SENP7: variants seen among roughly 807,000 people sequenced by gnomAD.
The protein encoded by SENP7 is sentrin-specific protease 7.
SENP7 carries 64 observed loss-of-function variants against 141.2 expected under a neutral mutation model. The ratio of observed to expected loss-of-function variants is 0.45; its 90% CI spans 0.37 to 0.56. SENP7 has a LOEUF of 0.56. Ranked by LOEUF, SENP7 falls within the 20% of genes least tolerant of loss-of-function variation. The pLI is 0.00. For missense variants in SENP7, 1,025 were observed against 1,212.2 expected (o/e 0.85, Z 2.29); for synonymous variants, 382 against 426.4 (o/e 0.90, Z 1.28).
In SENP7 at chr3:101,420,286, T is replaced by C. The variant is rs1050545086; in HGVS notation, c.285-2496A>G. 5.9e-5 allele frequency among the ~76,000 whole-genome samples: 9 copies of C among 152,066 alleles called. No homozygotes were observed. In the East Asian group the frequency reaches 1.7e-3, roughly 29 times the overall value. On this transcript the variant is annotated intron_variant, in intron 4 of 23. Coordinates refer to ENST00000394095, the MANE Select transcript of SENP7 (RefSeq NM_020654.5). ...AGGAGGCTGAGGCAAGAGAATGGCG[T>C]GAACCCAGGAGGCGGAGCTTGCAGT...
At chr3:101,361,495 A>G (rs895982541) in intron 11 of SENP7, among the ~76,000 whole-genome samples, 3 of 152,136 alleles carry the variant, frequency 2.0e-5, no homozygotes, top group South Asian at 2.1e-4. Flanking sequence ...TTTTTTTCAC[A>G]CATGATTTTC....
intron 16 of SENP7, among the ~76,000 whole-genome samples, chr3:101,339,667 G>A (rs760989429): frequency 3.3e-5 from 5 of 151,836 alleles, no homozygotes; most frequent in South Asian, 2.1e-4. Flanking sequence ...GCAGTGAGCC[G>A]AGATTGTGCC....
Position 101,347,882 on chromosome 3 carries a change from T to C in SENP7, c.1827A>G (p.Leu609=), listed in dbSNP as rs1045262094. 1 of 1,547,780 alleles carries C rather than the reference T, an allele frequency of 6.5e-7. No individual in the cohort carries two copies. The highest frequency in any genetic ancestry group is 1.4e-5 in the African/African-American group (1 of 72,742). The change falls in exon 13 of 24, where the codon TTA becomes TTG. Residue 609 remains leucine, a synonymous_variant. Transcript: ENST00000394095. ...EIQTQLEHSV[L]SQQSKSSEFI... The stretch of plus-strand genomic sequence containing the variant: ...TCATTTTATACTCACATTGCTGGCT[T>C]AATACAGAGTGTTCTAATTGGGTCT...
At chr3:101,428,736 C>T (rs1328199580) in intron 4 of SENP7, among the ~76,000 whole-genome samples, 1 of 152,140 alleles carries the variant, frequency 6.6e-6, no homozygotes. Context: ...GTTGCCATTG[C>T]TTTTGGTGTT....
At chr3:101,493,342 C>T (rs968142447) in intron 3 of SENP7, among the ~76,000 whole-genome samples, 3 of 152,096 alleles carry the variant, frequency 2.0e-5, no homozygotes, top group Non-Finnish European at 4.4e-5. Flanking sequence ...ACCCCCATGA[C>T]ACAAGTTACC....
chr3:101,467,205 C>A (rs921964214), intron 3 of SENP7, among the ~76,000 whole-genome samples: 1 of 152,246 alleles, frequency 6.6e-6, no homozygotes, highest in Admixed American at 6.5e-5. Flanking sequence ...CAGAGCCCAC[C>A]ACAGTTCAAC....
chr3:101,380,383 C>T (rs2060461996), intron 6 of SENP7, among the ~76,000 whole-genome samples: 1 of 149,002 alleles, frequency 6.7e-6, no homozygotes, highest in African/African-American at 2.5e-5. Context: ...TTATAGAAAA[C>T]TATTTAAAAA....
intron 13 of SENP7, among the ~76,000 whole-genome samples, chr3:101,344,991 CAAAAAAAAAAAA>C (rs71132568): frequency 0.017 from 1,032 of 61,362 alleles, 16 homozygotes; most frequent in South Asian, 0.039. Context: ...AAAAAGAAAG[CAAAAAAAAAAAA>C]AAAAAAAAAA....
intron 5 of SENP7, among the ~76,000 whole-genome samples, chr3:101,402,302 T>C (rs2061167864): frequency 6.6e-6 from 1 of 152,130 alleles, no homozygotes; most frequent in South Asian, 2.1e-4. Flanking sequence ...TCAATTACCA[T>C]GCAAAAGATC....
intron 4 of SENP7, among the ~76,000 whole-genome samples, chr3:101,453,206 T>G (rs2063215095): frequency 6.6e-6 from 1 of 152,096 alleles, no homozygotes; most frequent in African/African-American, 2.4e-5. Flanking sequence ...CATTAAAAAG[T>G]CAGGAAACAA....
rs562198704 is a variant in SENP7 at position 101,418,273 on chromosome 3, A to C, written c.285-483T>G. ...ACAGATTTAATTTTATCTTATTTCT[A>C]AAATAGGTCAACTTAAAAAATTTAC... On this transcript the variant is annotated intron_variant, in intron 4 of 23. Coordinates refer to ENST00000394095, the MANE Select transcript of SENP7 (RefSeq NM_020654.5). Among the ~76,000 whole-genome samples the C allele has an allele frequency of 1.4e-4, 21 of 152,288 alleles. No homozygotes were observed. The East Asian group carries it at 4.0e-3, about 29-fold the overall frequency.
At chr3:101,406,134 C>CAT (rs942269263) in intron 5 of SENP7, among the ~76,000 whole-genome samples, 2 of 152,154 alleles carry the variant, frequency 1.3e-5, no homozygotes, top group African/African-American at 4.8e-5. Flanking sequence ...CATATGCACA[C>CAT]ATATGTTTAT....
At chr3:101,382,778 G>A (rs1295576226) in intron 6 of SENP7, among the ~76,000 whole-genome samples, 4 of 152,070 alleles carry the variant, frequency 2.6e-5, no homozygotes, top group Non-Finnish European at 5.9e-5. Flanking sequence ...TCCATATTTG[G>A]GGTTAAAGAG....
chr3:101,369,400 T>C (rs577141554), intron 7 of SENP7, among the ~76,000 whole-genome samples: 2 of 152,272 alleles, frequency 1.3e-5, no homozygotes, highest in Non-Finnish European at 1.5e-5. Flanking sequence ...TCCTAATAAC[T>C]AATATTCATG....
intron 3 of SENP7, among the ~76,000 whole-genome samples, chr3:101,479,892 C>CAAAAAAAAAAAAAAAAAAAAAAA (rs1168285268): frequency 1.4e-4 from 1 of 7,346 alleles, no homozygotes; most frequent in African/African-American, 6.1e-4. Flanking sequence ...ACAACAGCTA[C>CAAAAAAAAAAAAAAAAAAAAAAA]AAAAAAAAAA....
intron 11 of SENP7, among the ~76,000 whole-genome samples, 186 bp from the exon 12 acceptor site, chr3:101,351,837 A>C (rs1378203735): frequency 6.6e-6 from 1 of 151,986 alleles, no homozygotes; most frequent in Non-Finnish European, 1.5e-5. Flanking sequence ...TAAGAACCCC[A>C]TGTAAGTAAT....
intron 5 of SENP7, among the ~76,000 whole-genome samples, chr3:101,411,693 G>A (rs1210126495): frequency 6.6e-6 from 1 of 152,146 alleles, no homozygotes; most frequent in Non-Finnish European, 1.5e-5. Flanking sequence ...GTATATAAAG[G>A]TGTATACTTC....
intron 11 of SENP7, among the ~76,000 whole-genome samples, chr3:101,353,756 G>A (rs1408154017): frequency 2.6e-5 from 4 of 151,846 alleles, no homozygotes; most frequent in African/African-American, 9.7e-5. Context: ...AATAACCAGT[G>A]TCTAACTATA....
chr3:101,422,715 C>T (rs1056405486), intron 4 of SENP7, among the ~76,000 whole-genome samples: 9 of 152,060 alleles, frequency 5.9e-5, no homozygotes, highest in Non-Finnish European at 1.2e-4. Flanking sequence ...TACTCAGATT[C>T]TTTAAAAAAT....
Sources: allele counts gnomAD v4.1 joint callset (sites outside exome capture counted in the v4.1 genomes callset), GRCh38; gene constraint gnomAD v4.1.1; transcripts MANE v1.5; gene names NCBI Gene and HGNC (gene_info 2026-07-23, HGNC 2026-07-21).